Variants in ABRA observed in about 807,000 individuals in gnomAD.
ABRA encodes the protein actin binding Rho activating protein.
A neutral mutation model predicts 33.4 loss-of-function variants in ABRA; 25 were observed. The observed-to-expected ratio is 0.75, with a 90% CI of 0.55 to 1.04. ABRA has a LOEUF of 1.04. Ranked by LOEUF, ABRA falls within the 50% of genes least tolerant of loss-of-function variation. ABRA has a pLI of 0.00. For synonymous variants in ABRA, 193 were observed against 176.8 expected (o/e 1.09, Z -0.73); for missense variants, 501 against 491.7 (o/e 1.02, Z -0.18).
intron 1 of ABRA, among the ~76,000 whole-genome samples, chr8:106,768,500 A>T (rs973781811): frequency 1.3e-5 from 2 of 152,224 alleles, no homozygotes; most frequent in Non-Finnish European, 2.9e-5. Context: ...TGTGAATAAT[A>T]ATAGTTTTCG....
Position 106,761,235 on chromosome 8 carries a change from A to G in ABRA, c.948T>C (p.Ile316=). The change falls in exon 2 of 2, where the codon ATT becomes ATC. Residue 316 remains isoleucine (I), a synonymous_variant. Coordinates refer to ENST00000311955, the MANE Select transcript of ABRA (RefSeq NM_139166.5). The part of the protein sequence containing the change: ...IYREMMDMCF[I]ICTMARHRRD... ...GTCTGTGGCGAGCCATTGTGCAGATAATGAAGCACATGTCCATCATTTCCC... is the reference window on the plus strand; with the variant it reads ...GTCTGTGGCGAGCCATTGTGCAGATGATGAAGCACATGTCCATCATTTCCC... The G allele has an allele frequency of 1.2e-6, 2 of 1,614,224 alleles. No individual in the cohort carries two copies. The highest frequency in any genetic ancestry group is 1.7e-6 in the Non-Finnish European group (2 of 1,180,042).
intron 1 of ABRA, 110 bp from the exon 2 acceptor site, chr8:106,761,624 T>A: frequency 1.1e-6 from 1 of 886,444 alleles, no homozygotes; most frequent in Non-Finnish European, 1.7e-6. Context: ...TATAATTTTT[T>A]CACTACAAAA....
At position 106,760,916 on chromosome 8, in the gene ABRA, T is replaced by C. The variant is rs1297513464; in HGVS notation, c.*121A>G. On this transcript the variant is annotated 3_prime_UTR_variant, in exon 2 of 2. Coordinates refer to ENST00000311955, the MANE Select transcript of ABRA (RefSeq NM_139166.5). ...AGAAATAGAATGCCAGAAAGTCGTT[T>C]ATGTAAAAATTGTTTAATATTTACT... 2 of 913,730 alleles carry C rather than the reference T, an allele frequency of 2.2e-6. No homozygotes were observed. The highest frequency in any genetic ancestry group is 1.7e-6 in the Non-Finnish European group (1 of 591,518). 56.6% of individuals were successfully genotyped at this position (913,730 alleles called of 1,614,324 possible). A position where few individuals can be genotyped will look rare whatever the true frequency, so the allele number is the denominator to read the frequency against.
At chr8:106,763,181 C>T (rs1408726413) in intron 1 of ABRA, among the ~76,000 whole-genome samples, 2 of 152,128 alleles carry the variant, frequency 1.3e-5, no homozygotes, top group Non-Finnish European at 2.9e-5. Flanking sequence ...ACACGTGGAC[C>T]GGGAGGAATA....
intron 1 of ABRA, among the ~76,000 whole-genome samples, chr8:106,767,556 G>A (rs927631357): frequency 5.3e-5 from 8 of 152,182 alleles, no homozygotes; most frequent in Non-Finnish European, 7.3e-5. Context: ...AGTAGGGCAC[G>A]TCTTAGCTTT....
intron 1 of ABRA, among the ~76,000 whole-genome samples, chr8:106,767,394 C>T (rs573518429): frequency 1.1e-3 from 171 of 152,198 alleles, no homozygotes; most frequent in Middle Eastern, 3.4e-3. Context: ...TCCAAAAGGC[C>T]AGAGTTTGGA....
chr8:106,760,834 G>T lies in ABRA; in HGVS notation c.*203C>A. On this transcript the variant is annotated 3_prime_UTR_variant, in exon 2 of 2. Coordinates refer to ENST00000311955, the MANE Select transcript of ABRA (RefSeq NM_139166.5). ...CTATTATTATACATTAACATTCTAT[G>T]TGCTTTCTGAAATGCTTTGTGCCTT... 1.7e-6 allele frequency: 1 copy of T among 589,640 alleles called. No homozygotes were observed. Among genetic ancestry groups the T allele is most frequent in the Non-Finnish European group, 3.0e-6 (1 of 333,400 alleles). The allele number at this position is 589,640 out of a possible 1,614,324, so 36.5% of individuals were successfully genotyped here. A position where few individuals can be genotyped will look rare whatever the true frequency, so the allele number is the denominator to read the frequency against.
rs750690517 is a variant in ABRA, at chr8:106,770,150, T to C, written c.41A>G (p.Lys14Arg). Residue 14 changes from lysine (K) to arginine (R), a missense_variant, in exon 1 of 2, where the codon AAG (lysine) becomes AGG (arginine). Coordinates refer to ENST00000311955, the MANE Select transcript of ABRA (RefSeq NM_139166.5). ...GEKESGEGPA[K>R]SALRKIRTAT... ...TGTGCGTATCTTCCGGAGGGCGCTC[T>C]TGGCTGGGCCCTCCCCGCTTTCCTT... The C allele has an allele frequency of 1.4e-5, 23 of 1,612,622 alleles. No individual in the cohort carries two copies. The highest frequency in any genetic ancestry group is 1.6e-4 in the Middle Eastern group (1 of 6,082).
chr8:106,765,442 A>ATT (rs1433873570), intron 1 of ABRA, among the ~76,000 whole-genome samples: 1 of 152,144 alleles, frequency 6.6e-6, no homozygotes, highest in African/African-American at 2.4e-5. Context: ...TAGAGGGAGT[A>ATT]TTTCTCCTCC....
At chr8:106,769,451 C>G in intron 1 of ABRA, 72 bp downstream of exon 1, 1 of 1,547,048 alleles carries the variant, frequency 6.5e-7, no homozygotes, top group Non-Finnish European at 8.7e-7. Context: ...TCATCTGCTG[C>G]CTGGATTCCC....
intron 1 of ABRA, among the ~76,000 whole-genome samples, chr8:106,768,509 C>T (rs918811256): frequency 4.6e-5 from 7 of 152,166 alleles, no homozygotes; most frequent in Non-Finnish European, 8.8e-5. Context: ...TAATAGTTTT[C>T]GTGTATTGAG....
chr8:106,765,016 C>T (rs537442866), intron 1 of ABRA, among the ~76,000 whole-genome samples: 86 of 152,116 alleles, frequency 5.7e-4, no homozygotes, highest in African/African-American at 1.9e-3. Context: ...CCAGATTATG[C>T]TGTTTTTAAA....
At position 106,770,034 on chromosome 8, in the gene ABRA, G is replaced by A; in HGVS notation, c.157C>T (p.Pro53Ser). The A allele has an allele frequency of 6.2e-7, 1 of 1,614,026 alleles. No individual in the cohort carries two copies. The highest frequency in any genetic ancestry group is 8.5e-7 in the Non-Finnish European group (1 of 1,179,994). ...RQAQEPTGWLPGGTQDSPQAP... is the reference protein window; with the variant it reads ...RQAQEPTGWLSGGTQDSPQAP... Reference sequence around the variant, plus strand: ...TGAGGTGAGTCCTGGGTCCCTCCCGGCAGCCAGCCTGTAGGCTCCTGGGCC... The same window carrying A: ...TGAGGTGAGTCCTGGGTCCCTCCCGACAGCCAGCCTGTAGGCTCCTGGGCC... The change falls in exon 1 of 2, where the codon CCG becomes TCG. Residue 53 changes from proline (P) to serine (S), a missense_variant. By Grantham distance (74) the Pro-to-Ser change is moderately conservative (BLOSUM62 -1). Transcript: ENST00000311955.
chr8:106,761,297 CA>C lies in ABRA; in HGVS notation c.885del (p.Ala296LeufsTer15). ...GYGRPKEGTK[T>X]AERAKRAEEH... ...TCCTCAGCACGCTTGGCCCTTTCAGCAGTTTTGGTTCCTTCTTTGGGGCGGC... is the reference window on the plus strand; with the variant it reads ...TCCTCAGCACGCTTGGCCCTTTCAGCGTTTTGGTTCCTTCTTTGGGGCGGC... On this transcript the variant is annotated frameshift_variant, in exon 2 of 2. Coordinates refer to ENST00000311955, the MANE Select transcript of ABRA (RefSeq NM_139166.5). LOFTEE classifies it high-confidence loss of function. 6.2e-7 allele frequency: 1 copy of C among 1,614,216 alleles called. No homozygotes were observed. The highest frequency in any genetic ancestry group is 8.5e-7 in the Non-Finnish European group (1 of 1,180,042).
rs769872145 is a variant in ABRA at position 106,769,991 on chromosome 8, G to A, written c.200C>T (p.Thr67Ile). The A allele has an allele frequency of 4.0e-5, 64 of 1,614,040 alleles. No homozygotes were observed. In the South Asian group the frequency reaches 6.3e-4, roughly 16 times the overall value. ...QDSPQAPKPITPPTSHQKAQS... is the reference protein window; with the variant it reads ...QDSPQAPKPIIPPTSHQKAQS... ...AGCTTTCTGGTGTGAAGTAGGGGGT[G>A]TGATTGGTTTAGGAGCTTGAGGTGA... The change falls in exon 1 of 2, where the codon ACA becomes ATA. Residue 67 changes from threonine (T) to isoleucine (I), a missense_variant. Transcript: ENST00000311955.
Position 106,759,827 on chromosome 8 carries a change from A to G in ABRA, c.*1210T>C, listed in dbSNP as rs745944861. ...TTTCATTGAATCCAGTAAGAATTGC[A>G]ATCTCACATTCCATTCCATTTGTTT... On this transcript the variant is annotated 3_prime_UTR_variant, in exon 2 of 2. Transcript: ENST00000311955. The G allele has an allele frequency of 1.3e-5, 2 of 152,224 alleles. No homozygotes were observed. Among genetic ancestry groups the G allele is most frequent in the African/African-American group, 4.8e-5 (2 of 41,466 alleles). 9.4% of individuals were successfully genotyped at this position (152,224 alleles called of 1,614,324 possible). A position where few individuals can be genotyped will look rare whatever the true frequency, so the allele number is the denominator to read the frequency against.
intron 1 of ABRA, among the ~76,000 whole-genome samples, chr8:106,765,658 C>T (rs527502067): frequency 7.2e-5 from 11 of 152,236 alleles, no homozygotes; most frequent in African/African-American, 2.6e-4. Flanking sequence ...TTCTGCTCAG[C>T]AGTTTTGCTG....
intron 1 of ABRA, among the ~76,000 whole-genome samples, chr8:106,766,965 C>T (rs1255008615): frequency 6.6e-6 from 1 of 152,190 alleles, no homozygotes; most frequent in Non-Finnish European, 1.5e-5. Flanking sequence ...TAAGAAGGTG[C>T]CCATGTGCCA....
chr8:106,761,661 T>A (rs1836142849), intron 1 of ABRA, 147 bp from the exon 2 acceptor site: 1 of 707,764 alleles, frequency 1.4e-6, no homozygotes, highest in Non-Finnish European at 2.2e-6. Flanking sequence ...AAATTAGAAA[T>A]GAAAGAAGAA....
Sources: gnomAD v4.1 joint callset for allele counts (sites outside exome capture counted in the v4.1 genomes callset) on GRCh38, gnomAD v4.1.1 for gene constraint, MANE v1.5 for transcripts, NCBI Gene and HGNC (gene_info 2026-07-23, HGNC 2026-07-21) for gene names.